Variants in SLC45A1 observed in about 807,000 individuals in gnomAD.
SLC45A1 encodes the protein proton-associated sugar transporter A.
SLC45A1 carries 28 observed loss-of-function variants against 57.6 expected under a neutral mutation model. The observed-to-expected ratio is 0.49, with a 90% CI of 0.36 to 0.67. The LOEUF (loss-of-function observed/expected upper bound fraction) is 0.67. Among genes scored for constraint, SLC45A1 ranks in the 30% least tolerant of loss-of-function variants. The pLI is 0.00. For synonymous variants in SLC45A1, 459 were observed against 471.5 expected (o/e 0.97, Z 0.34); for missense variants, 814 against 1,041.5 (o/e 0.78, Z 3.01).
Position 8,325,916 on chromosome 1 carries a change from G to A in SLC45A1, c.589G>A (p.Val197Met), listed in dbSNP as rs752300126. 35 of 1,613,880 alleles carry A rather than the reference G, an allele frequency of 2.2e-5. No homozygotes were observed. The highest frequency in any genetic ancestry group is 2.7e-5 in the African/African-American group (2 of 74,944). The change falls in exon 4 of 9, where the codon GTG (valine) becomes ATG (methionine). Residue 197 changes from valine to methionine, a missense_variant. Transcript: ENST00000471889. This position sits in a 1 kb window ranked among gnomAD's most constrained non-coding sequence, Gnocchi z 6.3. ...CCACAAGTGGGGCCTGCTGCTGACC[G>A]TGTGCGGTGTGGTGCTGATGGACTT... ...GNHKWGLLLTVCGVVLMDFSA... is the reference protein window; with the variant it reads ...GNHKWGLLLTMCGVVLMDFSA...
rs1357330934 is a variant in SLC45A1 at position 8,330,284 on chromosome 1, G to A, written c.791G>A (p.Gly264Glu). ...DKTGFGRALG[G>E]QLRVIYLFTA... ...ACGGGCTTCGGGAGGGCCCTGGGGG[G>A]ACAGCTCCGAGTCATTTACCTCTTC... The change falls in exon 5 of 9, where the codon GGA (glycine) becomes GAA (glutamate). Residue 264 changes from glycine to glutamate, a missense_variant. Coordinates refer to ENST00000471889, the MANE Select transcript of SLC45A1 (RefSeq NM_001080397.3). The surrounding 1 kb of genome is among the most constrained non-coding windows in gnomAD (Gnocchi z 8.4). 3 of 1,613,886 alleles carry A rather than the reference G, an allele frequency of 1.9e-6. No homozygotes were observed. The highest frequency in any genetic ancestry group is 8.5e-7 in the Non-Finnish European group (1 of 1,180,018).
At chr1:8,341,214 AAAG>A (rs1164975027) in intron 8 of SLC45A1, among the ~76,000 whole-genome samples, 1 of 147,602 alleles carries the variant, frequency 6.8e-6, no homozygotes, top group African/African-American at 2.5e-5. Flanking sequence ...AAAAAAAAAA[AAAG>A]AGTAAGAGGG....
chr1:8,341,195 G>C (rs1008851417), intron 8 of SLC45A1, among the ~76,000 whole-genome samples: 3 of 132,078 alleles, frequency 2.3e-5, no homozygotes, highest in African/African-American at 8.8e-5. Context: ...GCAAGACTCC[G>C]TTTCAAAAAA....
In SLC45A1 at chr1:8,343,603, C is replaced by A; in HGVS notation, c.1981-144C>A. 1.3e-6 allele frequency: 1 copy of A among 765,626 alleles called. No homozygotes were observed. The allele number at this position is 765,626 out of a possible 1,614,324, so 47.4% of individuals were successfully genotyped here. A position where few individuals can be genotyped will look rare whatever the true frequency, so the allele number is the denominator to read the frequency against. On this transcript the variant is annotated intron_variant, in intron 8 of 8. Coordinates refer to ENST00000471889, the MANE Select transcript of SLC45A1 (RefSeq NM_001080397.3). The surrounding 1 kb of genome is among the most constrained non-coding windows in gnomAD (Gnocchi z 7.7). ...AAATATTGTTAAACTCTTGGCTGAA[C>A]TCCCTGTGCATGTTGGCGCTGAAAA...
Position 8,335,534 on chromosome 1 carries a change from C to G in SLC45A1, c.1541C>G (p.Ser514Cys). 1 of 1,606,314 alleles carries G rather than the reference C, an allele frequency of 6.2e-7. No homozygotes were observed. Among genetic ancestry groups the G allele is most frequent in the Non-Finnish European group, 8.5e-7 (1 of 1,179,722 alleles). Residue 514 changes from serine to cysteine, a missense_variant, in exon 6 of 9, where the codon TCC (serine) becomes TGC (cysteine). Ser to Cys is a moderately radical substitution (Grantham distance 112, BLOSUM62 -1). Coordinates refer to ENST00000471889, the MANE Select transcript of SLC45A1 (RefSeq NM_001080397.3). The surrounding 1 kb of genome is among the most constrained non-coding windows in gnomAD (Gnocchi z 4.1). The stretch of plus-strand genomic sequence containing the variant: ...CCTCTGTCCGTGGGGCGCCTCTGCT[C>G]CACCATCTGCAACATGCCCAAGGCG... ...EQPLSVGRLC[S>C]TICNMPKALR...
intron 8 of SLC45A1, among the ~76,000 whole-genome samples, chr1:8,342,908 A>AC (rs1553152024): frequency 6.6e-6 from 1 of 151,404 alleles, no homozygotes; most frequent in African/African-American, 2.4e-5. Flanking sequence ...CAAAAAAAAA[A>AC]AAAAGAAAAG....
At position 8,330,994 on chromosome 1, in the gene SLC45A1, G is replaced by A; in HGVS notation, c.1443+58G>A. On this transcript the variant is annotated intron_variant, in intron 5 of 8. Transcript: ENST00000471889. The surrounding 1 kb of genome is among the most constrained non-coding windows in gnomAD (Gnocchi z 8.4). ...GAGGGTGGCATTCGGGGGTCCCCTGGTCAGTTACATGACAAAGAGGGAGAG... is the reference window on the plus strand; with the variant it reads ...GAGGGTGGCATTCGGGGGTCCCCTGATCAGTTACATGACAAAGAGGGAGAG... 7.9e-6 allele frequency: 12 copies of A among 1,515,376 alleles called. No individual in the cohort carries two copies. The highest frequency in any genetic ancestry group is 1.1e-5 in the Non-Finnish European group (12 of 1,135,234). 93.9% of individuals were successfully genotyped at this position (1,515,376 alleles called of 1,614,324 possible). A position where few individuals can be genotyped will look rare whatever the true frequency, so the allele number is the denominator to read the frequency against.
intron 5 of SLC45A1, among the ~76,000 whole-genome samples, chr1:8,334,809 G>A (rs529909422): frequency 6.2e-4 from 94 of 152,308 alleles, no homozygotes; most frequent in Middle Eastern, 3.4e-3. Context: ...CGTTCCAGGA[G>A]GAGTTTGCAA....
chr1:8,333,284 CTT>C (rs1476419924), intron 5 of SLC45A1, among the ~76,000 whole-genome samples: 4 of 122,794 alleles, frequency 3.3e-5, no homozygotes, highest in African/African-American at 9.1e-5. Context: ...ATTATTTTGT[CTT>C]GTTTTGTTTT....
In SLC45A1 at chr1:8,343,129, T is replaced by G. The variant is rs917595401; in HGVS notation, c.1981-618T>G. 2.0e-5 allele frequency among the ~76,000 whole-genome samples: 3 copies of G among 152,064 alleles called. No homozygotes were observed. Among genetic ancestry groups the G allele is most frequent in the Admixed American group, 1.3e-4 (2 of 15,266 alleles). On this transcript the variant is annotated intron_variant, in intron 8 of 8. Transcript: ENST00000471889. The surrounding 1 kb of genome is among the most constrained non-coding windows in gnomAD (Gnocchi z 7.7). The stretch of plus-strand genomic sequence containing the variant: ...GGCCCAGGCTCCCAGGTCACAGCAA[T>G]GCCCACTCACGCAGCACCTTGCAGG...
At position 8,343,993 on chromosome 1, in the gene SLC45A1, C is replaced by G; in HGVS notation, c.2227C>G (p.Pro743Ala). The G allele has an allele frequency of 6.2e-7, 1 of 1,610,470 alleles. No homozygotes were observed. The highest frequency in any genetic ancestry group is 8.5e-7 in the Non-Finnish European group (1 of 1,177,674). Residue 743 changes from proline to alanine, a missense_variant, in exon 9 of 9, where the codon CCC (proline) becomes GCC (alanine). Pro to Ala is a conservative substitution (Grantham distance 27). Coordinates refer to ENST00000471889, the MANE Select transcript of SLC45A1 (RefSeq NM_001080397.3). This position sits in a 1 kb window ranked among gnomAD's most constrained non-coding sequence, Gnocchi z 7.7. ...CGACGCTGCAGACGAGGAGCACCGG[C>G]CCCTCCTGCTGAACGTCTGACATCG... is the stretch of plus-strand genomic sequence containing the variant. ...PSDAADEEHR[P>A]LLLNV is the part of the protein sequence containing the mutation.
rs138517419 is a variant in SLC45A1, at chr1:8,330,303, C to T, written c.810C>T (p.Tyr270=). ...TGGGGGGACAGCTCCGAGTCATTTA[C>T]CTCTTCACTGCGGTCACCCTGAGCG... The part of the protein sequence containing the change: ...RALGGQLRVI[Y]LFTAVTLSVT... Residue 270 remains tyrosine, a synonymous_variant, in exon 5 of 9, where the codon TAC becomes TAT. Coordinates refer to ENST00000471889, the MANE Select transcript of SLC45A1 (RefSeq NM_001080397.3). This position sits in a 1 kb window ranked among gnomAD's most constrained non-coding sequence, Gnocchi z 8.4. 246 of 1,613,828 alleles carry T rather than the reference C, an allele frequency of 1.5e-4. No individual in the cohort carries two copies. The African/African-American group carries it at 3.1e-3, about 20-fold the overall frequency.
rs777954848 is a variant in SLC45A1 at position 8,330,712 on chromosome 1, G to A, written c.1219G>A (p.Ala407Thr). 1.2e-6 allele frequency: 2 copies of A among 1,613,002 alleles called. No individual in the cohort carries two copies. The highest frequency in any genetic ancestry group is 1.7e-6 in the Non-Finnish European group (2 of 1,179,986). ...GCCCATCAGCGTCAGCTTCCCCCGG[G>A]CCCCCGACGGCTTCTACCGCCAGGA... ...RPPISVSFPR[A>T]PDGFYRQDRG... The change falls in exon 5 of 9, where the codon GCC becomes ACC. Residue 407 changes from alanine to threonine, a missense_variant. Physicochemically the swap from Ala to Thr is moderately conservative, Grantham distance 58. Transcript: ENST00000471889. This position sits in a 1 kb window ranked among gnomAD's most constrained non-coding sequence, Gnocchi z 8.4.
In SLC45A1 at chr1:8,325,241, G is replaced by C. The variant is rs1218856698; in HGVS notation, c.398-57G>C. 3 of 1,108,532 alleles carry C rather than the reference G, an allele frequency of 2.7e-6. No individual in the cohort carries two copies. Among genetic ancestry groups the C allele is most frequent in the Non-Finnish European group, 4.1e-6 (3 of 728,918 alleles). The allele number at this position is 1,108,532 out of a possible 1,614,324, so 68.7% of individuals were successfully genotyped here. A position where few individuals can be genotyped will look rare whatever the true frequency, so the allele number is the denominator to read the frequency against. ...ACTTCAGGAATGTGGAGGCTGATTC[G>C]ATGTCCCCATGTGCCATGGGGACCC... On this transcript the variant is annotated intron_variant, in intron 2 of 8. Coordinates refer to ENST00000471889, the MANE Select transcript of SLC45A1 (RefSeq NM_001080397.3). The surrounding 1 kb of genome is among the most constrained non-coding windows in gnomAD (Gnocchi z 6.3).
At chr1:8,338,632 G>A (rs925735518) in intron 7 of SLC45A1, among the ~76,000 whole-genome samples, 4 of 152,256 alleles carry the variant, frequency 2.6e-5, no homozygotes, top group African/African-American at 9.6e-5. Context: ...GGTCTCTGTT[G>A]CAGCCCCTCA....
At chr1:8,333,625 G>A (rs1176712489) in intron 5 of SLC45A1, among the ~76,000 whole-genome samples, 1 of 152,128 alleles carries the variant, frequency 6.6e-6, no homozygotes, top group Non-Finnish European at 1.5e-5. Flanking sequence ...TGTAGAAACG[G>A]GGCCTCACTA....
Position 8,318,124 on chromosome 1 carries a change from G to C in SLC45A1, c.-87G>C, listed in dbSNP as rs992302833. ...GCCCCGGGTGATGCTGCAGCAGCCG[G>C]GACCGCGGCCGGGCAGGCAGCAGCC... On this transcript the variant is annotated 5_prime_UTR_variant, in exon 1 of 9. Transcript: ENST00000471889. The C allele has an allele frequency of 2.1e-6, 1 of 475,152 alleles. No individual in the cohort carries two copies. The highest frequency in any genetic ancestry group is 3.8e-6 in the Non-Finnish European group (1 of 261,762). The allele number at this position is 475,152 out of a possible 1,614,324, so 29.4% of individuals were successfully genotyped here. A position where few individuals can be genotyped will look rare whatever the true frequency, so the allele number is the denominator to read the frequency against.
intron 8 of SLC45A1, 75 bp downstream of exon 8, chr1:8,339,773 A>C: frequency 1.5e-6 from 2 of 1,352,334 alleles, no homozygotes; most frequent in East Asian, 4.6e-5. Context: ...CCCCAGGACC[A>C]GCTGCACAAT....
At position 8,330,812 on chromosome 1, in the gene SLC45A1, T is replaced by C; in HGVS notation, c.1319T>C (p.Leu440Ser). The C allele has an allele frequency of 6.2e-7, 1 of 1,613,498 alleles. No individual in the cohort carries two copies. The highest frequency in any genetic ancestry group is 8.5e-7 in the Non-Finnish European group (1 of 1,180,032). The stretch of plus-strand genomic sequence containing the variant: ...GGGGACATTCTGAGGGTGGGCTCCT[T>C]GGACACCTCTAAGCCGAGGTCATCA... ...CDGDILRVGS[L>S]DTSKPRSSGI... The change falls in exon 5 of 9, where the codon TTG becomes TCG. Residue 440 changes from leucine (L) to serine (S), a missense_variant. Leu to Ser is a moderately radical substitution (Grantham distance 145). Coordinates refer to ENST00000471889, the MANE Select transcript of SLC45A1 (RefSeq NM_001080397.3). The surrounding 1 kb of genome is among the most constrained non-coding windows in gnomAD (Gnocchi z 8.4).
Sources: allele counts gnomAD v4.1 joint callset (sites outside exome capture counted in the v4.1 genomes callset), GRCh38; gene constraint gnomAD v4.1.1; non-coding constraint Gnocchi (gnomAD v3.1); transcripts MANE v1.5; gene names NCBI Gene and HGNC (gene_info 2026-07-23, HGNC 2026-07-21).